Variants in SDC1 observed in about 807,000 individuals in gnomAD.
SDC1 encodes the protein syndecan 1.
SDC1 carries 14 observed loss-of-function variants against 29.7 expected under a neutral mutation model. The ratio of observed to expected loss-of-function variants is 0.47; its 90% CI spans 0.31 to 0.74. The LOEUF (loss-of-function observed/expected upper bound fraction) is 0.74. Among genes scored for constraint, SDC1 ranks in the 30% least tolerant of loss-of-function variants. The pLI is 0.05. For synonymous variants in SDC1, 204 were observed against 175.5 expected (o/e 1.16, Z -1.29); for missense variants, 406 against 400.3 (o/e 1.01, Z -0.12).
In SDC1 at chr2:20,202,284, C is replaced by T. The variant is rs1315082744; in HGVS notation, c.*482G>A. The T allele has an allele frequency of 5.1e-6, 4 of 779,156 alleles. No individual in the cohort carries two copies. The highest frequency in any genetic ancestry group is 7.2e-6 in the Non-Finnish European group (3 of 417,838). 48.3% of individuals were successfully genotyped at this position (779,156 alleles called of 1,614,324 possible). On this transcript the variant is annotated 3_prime_UTR_variant, in exon 5 of 5. Transcript: ENST00000254351. ...CAAGTCGATATCTAGATTAGACCTC[C>T]CCACGAAACAAAGTGGACTCCTGTC...
intron 1 of SDC1, among the ~76,000 whole-genome samples, chr2:20,218,611 G>A (rs561688528): frequency 2.7e-5 from 4 of 145,648 alleles, no homozygotes; most frequent in East Asian, 4.0e-4. Flanking sequence ...ATACACGGAC[G>A]CAGACACACA....
intron 1 of SDC1, among the ~76,000 whole-genome samples, chr2:20,218,383 T>C (rs1413987036): frequency 6.6e-6 from 1 of 152,088 alleles, no homozygotes; most frequent in Non-Finnish European, 1.5e-5. Flanking sequence ...AGCTGGTGTC[T>C]GAAAAGGAAG....
Position 20,224,910 on chromosome 2 carries a change from C to A in SDC1, c.-43G>T. ...CGGGAGAGCGGCAGGCTGCGCGGGT[C>A]GCGGCTGCGGGCCGGCTTCGCGGGT... is the stretch of plus-strand genomic sequence containing the variant. On this transcript the variant is annotated 5_prime_UTR_variant, in exon 1 of 5. Transcript: ENST00000254351. This position sits in a 1 kb window ranked among gnomAD's most constrained non-coding sequence, Gnocchi z 4.9. The A allele has an allele frequency of 2.5e-6, 3 of 1,206,838 alleles. No homozygotes were observed. In the South Asian group the frequency reaches 1.2e-4, roughly 50 times the overall value. 74.8% of individuals were successfully genotyped at this position (1,206,838 alleles called of 1,614,324 possible).
At chr2:20,214,721 G>A in intron 1 of SDC1, among the ~76,000 whole-genome samples, 1 of 152,192 alleles carries the variant, frequency 6.6e-6, no homozygotes, top group Non-Finnish European at 1.5e-5. Context: ...GACTACCAGG[G>A]GAGTTGGTGG....
intron 3 of SDC1, 149 bp from the exon 4 acceptor site, chr2:20,203,371 G>T: frequency 1.2e-6 from 1 of 865,794 alleles, no homozygotes; most frequent in Non-Finnish European, 1.7e-6. Context: ...CACAGGGCCC[G>T]AAAGCCAGGC....
At chr2:20,218,850 G>A (rs539459830) in intron 1 of SDC1, among the ~76,000 whole-genome samples, 2 of 151,948 alleles carry the variant, frequency 1.3e-5, no homozygotes, top group East Asian at 3.9e-4. Context: ...CACACACACA[G>A]CATCTCATGG....
chr2:20,218,406 A>G lies in SDC1; in HGVS notation c.66+6396T>C, dbSNP rs75264707. The stretch of plus-strand genomic sequence containing the variant: ...TCTGAAAAGGAAGCTGCAGCCAGGT[A>G]GTGACCAGGCCCCCCAAAACTGAGA... On this transcript the variant is annotated intron_variant, in intron 1 of 4. Transcript: ENST00000254351. Among the ~76,000 whole-genome samples the G allele has an allele frequency of 6.4e-3, 971 of 152,334 alleles. 7 individuals carry two copies. The highest frequency in any genetic ancestry group is 0.021 in the African/African-American group (892 of 41,560).
upstream of SDC1, chr2:20,225,380 C>G (rs1366605817): frequency 6.6e-6 from 1 of 152,332 alleles, no homozygotes; most frequent in East Asian, 1.9e-4. Context: ...CCGAGGCGCA[C>G]CCCCTTCTGC....
rs201279426 is a variant in SDC1 at position 20,202,751 on chromosome 2, C to T, written c.*15G>A. The T allele has an allele frequency of 1.4e-5, 22 of 1,581,090 alleles. No homozygotes were observed. Among genetic ancestry groups the T allele is most frequent in the East Asian group, 6.7e-5 (3 of 44,452 alleles). On this transcript the variant is annotated 3_prime_UTR_variant, in exon 5 of 5. Transcript: ENST00000254351. ...CTAGTGAGTGGCAGGGCGGAGGGGG[C>T]GCATGGCTCCCGCGTCAGGCATAGA...
At chr2:20,219,934 C>T (rs1053436304) in intron 1 of SDC1, among the ~76,000 whole-genome samples, 1 of 152,236 alleles carries the variant, frequency 6.6e-6, no homozygotes, top group African/African-American at 2.4e-5. Context: ...GCCCGCCTCC[C>T]AGGCTTACAA....
chr2:20,213,703 C>G (rs1348383081), intron 1 of SDC1, among the ~76,000 whole-genome samples: 1 of 152,238 alleles, frequency 6.6e-6, no homozygotes, highest in African/African-American at 2.4e-5. Context: ...CCAGCCCTGT[C>G]AGTCCCCACC....
intron 1 of SDC1, among the ~76,000 whole-genome samples, chr2:20,212,068 G>A (rs771215059): frequency 2.0e-5 from 3 of 151,344 alleles, no homozygotes; most frequent in African/African-American, 4.9e-5. Context: ...GGTGGATAAC[G>A]CTAAAGTGCT....
chr2:20,212,800 C>A (rs55881199), intron 1 of SDC1, among the ~76,000 whole-genome samples: 8,655 of 152,152 alleles, frequency 0.057, 266 homozygotes, highest in Non-Finnish European at 0.064. Context: ...CTTTCGGGGA[C>A]ACTCTGGACG....
intron 1 of SDC1, among the ~76,000 whole-genome samples, chr2:20,205,738 G>C (rs1233536181): frequency 6.6e-6 from 1 of 152,170 alleles, no homozygotes; most frequent in Non-Finnish European, 1.5e-5. Context: ...GGCAGACAGG[G>C]AGCTGTTATT....
Position 20,202,719 on chromosome 2 carries a change from T to TG in SDC1, c.*46dup. Reference sequence around the variant, plus strand: ...TGCAGTTCTTCAAGGAAGAGGCAAGTGGGGGCCTAGTGAGTGGCAGGGCGG... The same window carrying TG: ...TGCAGTTCTTCAAGGAAGAGGCAAGTGGGGGGCCTAGTGAGTGGCAGGGCGG... On this transcript the variant is annotated 3_prime_UTR_variant, in exon 5 of 5. Coordinates refer to ENST00000254351, the MANE Select transcript of SDC1 (RefSeq NM_002997.5). The TG allele has an allele frequency of 1.3e-6, 2 of 1,530,080 alleles. No homozygotes were observed. Among genetic ancestry groups the TG allele is most frequent in the Non-Finnish European group, 1.8e-6 (2 of 1,133,574 alleles). The allele number at this position is 1,530,080 out of a possible 1,614,324, so 94.8% of individuals were successfully genotyped here.
At chr2:20,208,504 C>T (rs1380446277) in intron 1 of SDC1, among the ~76,000 whole-genome samples, 1 of 152,232 alleles carries the variant, frequency 6.6e-6, no homozygotes, top group African/African-American at 2.4e-5. Context: ...GGGACAGCCC[C>T]TCAGATGAGA....
chr2:20,213,842 G>A (rs1287884638), intron 1 of SDC1, among the ~76,000 whole-genome samples: 1 of 152,252 alleles, frequency 6.6e-6, no homozygotes, highest in African/African-American at 2.4e-5. Context: ...GGCAGAAACT[G>A]CACTTTTGAC....
chr2:20,209,322 C>T (rs904678264), intron 1 of SDC1, among the ~76,000 whole-genome samples: 4 of 152,198 alleles, frequency 2.6e-5, no homozygotes, highest in African/African-American at 9.6e-5. Flanking sequence ...GGGACTTGCC[C>T]AAGGCCGCCC....
In SDC1 at chr2:20,224,231, T is replaced by C; in HGVS notation, c.66+571A>G. 2.5e-6 allele frequency: 1 copy of C among 395,888 alleles called. No homozygotes were observed. The highest frequency in any genetic ancestry group is 1.7e-5 in the South Asian group (1 of 59,270). 24.5% of individuals were successfully genotyped at this position (395,888 alleles called of 1,614,324 possible). On this transcript the variant is annotated intron_variant, in intron 1 of 4. Coordinates refer to ENST00000254351, the MANE Select transcript of SDC1 (RefSeq NM_002997.5). The surrounding 1 kb of genome is among the most constrained non-coding windows in gnomAD (Gnocchi z 4.9). The stretch of plus-strand genomic sequence containing the variant: ...GCAAGCCCGAGGGCCCTGCAGACGC[T>C]CGCCCGCGCCCCCCACGCAGCCCTG...
Sources: gnomAD v4.1 joint callset for allele counts (sites outside exome capture counted in the v4.1 genomes callset) on GRCh38, gnomAD v4.1.1 for gene constraint, Gnocchi (gnomAD v3.1) non-coding constraint, MANE v1.5 for transcripts, NCBI Gene and HGNC (gene_info 2026-07-23, HGNC 2026-07-21) for gene names.